Variants in RFWD3 observed in about 807,000 individuals in gnomAD.
The protein encoded by RFWD3 is E3 ubiquitin-protein ligase RFWD3.
In RFWD3, 65 loss-of-function variants were observed where a neutral mutation model predicts 87.7. That is an observed-to-expected ratio of 0.74 (90% CI 0.61 to 0.91). RFWD3 has a LOEUF of 0.91. Among genes scored for constraint, RFWD3 ranks in the 40% least tolerant of loss-of-function variants. The pLI is 0.00. For synonymous variants in RFWD3, 433 were observed against 352.8 expected, an observed-to-expected ratio of 1.23 and a Z score of -2.55; for missense variants, 1,078 against 938.5, an observed-to-expected ratio of 1.15 and a Z score of -1.94.
Position 74,657,900 on chromosome 16 carries a change from C to A in RFWD3, c.518+3032G>T, listed in dbSNP as rs371364192. ...AAAGCATTTCATAAGAAGATTTAATCAAATACATACTAGAGTTAGGGTGTT... is the reference window on the plus strand; with the variant it reads ...AAAGCATTTCATAAGAAGATTTAATAAAATACATACTAGAGTTAGGGTGTT... On this transcript the variant is annotated intron_variant, in intron 2 of 12. Coordinates refer to ENST00000361070, the MANE Select transcript of RFWD3 (RefSeq NM_018124.4). Among the ~76,000 whole-genome samples the A allele has an allele frequency of 5.9e-5, 9 of 152,220 alleles. No homozygotes were observed. In the East Asian group the frequency reaches 1.7e-3, roughly 29 times the overall value.
At chr16:74,638,362 CTG>C (rs1959329613) in intron 6 of RFWD3, among the ~76,000 whole-genome samples, 1 of 151,972 alleles carries the variant, frequency 6.6e-6, no homozygotes, top group Non-Finnish European at 1.5e-5. Context: ...AAAAAAGAAT[CTG>C]AAGTTAAAAA....
chr16:74,656,791 A>C (rs1423125514), intron 2 of RFWD3, among the ~76,000 whole-genome samples: 1 of 152,148 alleles, frequency 6.6e-6, no homozygotes, highest in Non-Finnish European at 1.5e-5. Flanking sequence ...AAGAACATTC[A>C]TGATTCATGG....
At chr16:74,637,150 T>TAAAAAAAAAAAAAAA (rs1959223527) in intron 7 of RFWD3, among the ~76,000 whole-genome samples, 4 of 108,232 alleles carry the variant, frequency 3.7e-5, no homozygotes, top group Admixed American at 8.5e-5. Flanking sequence ...AAAAAACAAC[T>TAAAAAAAAAAAAAAA]TAAAAGGAGA....
chr16:74,658,012 T>G (rs1233208106), intron 2 of RFWD3, among the ~76,000 whole-genome samples: 1 of 152,228 alleles, frequency 6.6e-6, no homozygotes, highest in East Asian at 1.9e-4. Context: ...ATTGCTTTTA[T>G]GTAGCAAAGA....
Position 74,652,060 on chromosome 16 carries a change from G to C in RFWD3, c.581C>G (p.Thr194Ser), listed in dbSNP as rs900698512. 13 of 1,614,098 alleles carry C rather than the reference G, an allele frequency of 8.1e-6. No homozygotes were observed. The highest frequency in any genetic ancestry group is 1.7e-5 in the Admixed American group (1 of 59,982). ...ATTCCTAGTCTCTGAATCATAAGTG[G>C]TAGCTGGCAAGTCAGGCTGGGTCCT... ...VSRTQPDLPATTYDSETRNPV... is the reference protein window; with the variant it reads ...VSRTQPDLPASTYDSETRNPV... The change falls in exon 3 of 13, where the codon ACC becomes AGC. Residue 194 changes from threonine (T) to serine (S), a missense_variant. Transcript: ENST00000361070.
chr16:74,636,726 T>C, intron 7 of RFWD3, 149 bp from the exon 8 acceptor site: 2 of 684,450 alleles, frequency 2.9e-6, no homozygotes, highest in Non-Finnish European at 4.8e-6. Context: ...TTTTGTTTTT[T>C]TTTTTAAGAC....
Position 74,624,555 on chromosome 16 carries a change from C to T in RFWD3, c.2182-484G>A, listed in dbSNP as rs565111408. On this transcript the variant is annotated intron_variant, in intron 12 of 12. Transcript: ENST00000361070. ...GGATTACAGACATCCACCACCACGCCCGGCTAATTTTCTTGTATTTTTGGT... is the reference window on the plus strand; with the variant it reads ...GGATTACAGACATCCACCACCACGCTCGGCTAATTTTCTTGTATTTTTGGT... Among the ~76,000 whole-genome samples the T allele has an allele frequency of 6.6e-5, 10 of 152,310 alleles. No individual in the cohort carries two copies. The East Asian group carries it at 1.9e-3, about 29-fold the overall frequency.
At chr16:74,656,846 G>C (rs1185371555) in intron 2 of RFWD3, among the ~76,000 whole-genome samples, 1 of 152,186 alleles carries the variant, frequency 6.6e-6, no homozygotes, top group African/African-American at 2.4e-5. Flanking sequence ...AGAAGAAGTT[G>C]ATGTCAACTC....
chr16:74,644,418 G>A lies in RFWD3; in HGVS notation c.1023C>T (p.Val341=). ...AAGCTCTCAGGGTTCGGGCATAAAG[G>A]ACGACAATGTCACTGTGCCTGGCTT... is the stretch of plus-strand genomic sequence containing the variant. ...NKKARHSDIV[V]LYARTLRALD... is the part of the protein sequence containing the mutation. Residue 341 remains valine, a synonymous_variant, in exon 6 of 13, where the codon GTC becomes GTT. Coordinates refer to ENST00000361070, the MANE Select transcript of RFWD3 (RefSeq NM_018124.4). 1 of 1,614,192 alleles carries A rather than the reference G, an allele frequency of 6.2e-7. No homozygotes were observed. Among genetic ancestry groups the A allele is most frequent in the Non-Finnish European group, 8.5e-7 (1 of 1,180,046 alleles).
chr16:74,630,358 A>G (rs368627580), intron 10 of RFWD3, among the ~76,000 whole-genome samples: 1 of 152,176 alleles, frequency 6.6e-6, no homozygotes, highest in Non-Finnish European at 1.5e-5. Context: ...TCGTCTTCCC[A>G]AAGTGCTGGG....
chr16:74,633,347 GA>G lies in RFWD3; in HGVS notation c.1427-675del, dbSNP rs796149696. Among the ~76,000 whole-genome samples the G allele has an allele frequency of 9.5e-4, 122 of 128,502 alleles. 1 individual carries two copies. In the South Asian group the frequency reaches 0.013, roughly 13 times the overall value. The allele number at this position is 128,502 out of a possible 152,430, so 84.3% of individuals were successfully genotyped here. A position where few individuals can be genotyped will look rare whatever the true frequency, so the allele number is the denominator to read the frequency against. On this transcript the variant is annotated intron_variant, in intron 8 of 12. Coordinates refer to ENST00000361070, the MANE Select transcript of RFWD3 (RefSeq NM_018124.4). Reference sequence around the variant, plus strand: ...TGCTTCATGACAATGAAGAGAAGAAGAAAAAAAAAAAGAAAAAGTATAACCT... The same window carrying G: ...TGCTTCATGACAATGAAGAGAAGAAGAAAAAAAAAAGAAAAAGTATAACCT...
intron 2 of RFWD3, among the ~76,000 whole-genome samples, chr16:74,660,368 G>A (rs912579588): frequency 1.3e-5 from 2 of 152,316 alleles, no homozygotes; most frequent in Middle Eastern, 3.4e-3. Flanking sequence ...CAGGAGAATC[G>A]CTTGAATCTG....
In RFWD3 at chr16:74,647,869, G is replaced by A. The variant is rs998604535; in HGVS notation, c.792+1263C>T. Among the ~76,000 whole-genome samples, 30 of 152,194 alleles carry A rather than the reference G, an allele frequency of 2.0e-4. 1 individual carries two copies. On this transcript the variant is annotated intron_variant, in intron 4 of 12. Coordinates refer to ENST00000361070, the MANE Select transcript of RFWD3 (RefSeq NM_018124.4). ...GGCCTCCAACAGTGCTGGGATTATA[G>A]GCATGGGCCACCGCGCCCAGCCCAT... is the stretch of plus-strand genomic sequence containing the variant.
intron 4 of RFWD3, among the ~76,000 whole-genome samples, chr16:74,646,691 C>G (rs1260701229): frequency 1.3e-5 from 2 of 151,950 alleles, no homozygotes; most frequent in Admixed American, 6.6e-5. Context: ...GAGACTGAGG[C>G]AGGGGAATCG....
intron 11 of RFWD3, among the ~76,000 whole-genome samples, chr16:74,627,983 C>T (rs981101744): frequency 1.3e-5 from 2 of 152,218 alleles, no homozygotes; most frequent in Non-Finnish European, 2.9e-5. Context: ...TGCGTTCCAC[C>T]TCTGATTCCA....
chr16:74,638,303 G>T (rs9938833), intron 6 of RFWD3, among the ~76,000 whole-genome samples: 1 of 151,930 alleles, frequency 6.6e-6, no homozygotes, highest in Non-Finnish European at 1.5e-5. Context: ...GATTAAAAAG[G>T]AAACAGTAAG....
intron 9 of RFWD3, 119 bp from the exon 10 acceptor site, chr16:74,631,076 A>C: frequency 2.6e-6 from 2 of 761,732 alleles, no homozygotes; most frequent in South Asian, 2.5e-5. Flanking sequence ...CATACTCCCA[A>C]ACTATCTGGA....
At chr16:74,627,723 G>A (rs527422641) in intron 11 of RFWD3, among the ~76,000 whole-genome samples, 12 of 152,320 alleles carry the variant, frequency 7.9e-5, no homozygotes, top group Admixed American at 7.2e-4. Flanking sequence ...TCATGGGTCA[G>A]GCAGGCATTA....
intron 2 of RFWD3, 72 bp from the exon 3 acceptor site, chr16:74,652,194 G>A: frequency 7.3e-7 from 1 of 1,379,060 alleles, no homozygotes; most frequent in Non-Finnish European, 1.0e-6. Context: ...ATAGTGATTT[G>A]AAGTAAATCC....
Sources: allele counts gnomAD v4.1 joint callset (sites outside exome capture counted in the v4.1 genomes callset), GRCh38; gene constraint gnomAD v4.1.1; transcripts MANE v1.5; gene names NCBI Gene and HGNC (gene_info 2026-07-23, HGNC 2026-07-21).